SPOCK3: variants seen among roughly 807,000 people sequenced by gnomAD.
SPOCK3 encodes testican-3.
Under a neutral mutation model 56.6 loss-of-function variants are expected in SPOCK3, and 30 were observed. The observed-to-expected ratio is 0.53, with a 90% CI of 0.40 to 0.72. The LOEUF (loss-of-function observed/expected upper bound fraction) is 0.72. Among genes scored for constraint, SPOCK3 ranks in the 30% least tolerant of loss-of-function variants. SPOCK3 has a pLI of 0.00. For missense variants in SPOCK3, 527 were observed against 530.0 expected, an observed-to-expected ratio of 0.99 and a Z score of 0.06; for synonymous variants, 196 against 183.3, an observed-to-expected ratio of 1.07 and a Z score of -0.56.
Position 166,737,888 on chromosome 4 carries a change from G to C in SPOCK3, c.995-284C>G, listed in dbSNP as rs7675984. 6.4e-3 allele frequency among the ~76,000 whole-genome samples: 976 copies of C among 152,272 alleles called. 8 individuals carry two copies. The highest frequency in any genetic ancestry group is 0.022 in the African/African-American group (914 of 41,548). On this transcript the variant is annotated intron_variant, in intron 9 of 10. Transcript: ENST00000357545. ...ACTAGTTCTCACTGTGCAAAGGGTA[G>C]TGTTTCAGAGGCACAATACAGAATT...
chr4:166,743,075 G>A (rs1735074065), intron 8 of SPOCK3, among the ~76,000 whole-genome samples: 1 of 151,932 alleles, frequency 6.6e-6, no homozygotes, highest in Non-Finnish European at 1.5e-5. Flanking sequence ...ATCCCCCTCG[G>A]ATACTAAGAG....
chr4:167,171,918 C>T (rs1024059250), intron 2 of SPOCK3, among the ~76,000 whole-genome samples: 1 of 151,136 alleles, frequency 6.6e-6, no homozygotes, highest in Admixed American at 6.6e-5. Context: ...CCACTCCCCC[C>T]ATAATGAAAA....
chr4:167,132,489 A>G (rs556551696), intron 2 of SPOCK3, among the ~76,000 whole-genome samples: 350 of 152,240 alleles, frequency 2.3e-3, no homozygotes, highest in Non-Finnish European at 4.4e-3. Flanking sequence ...ATAACTATCA[A>G]AAGTTATTTA....
chr4:167,106,474 A>C (rs977720817), intron 2 of SPOCK3, among the ~76,000 whole-genome samples: 1 of 151,848 alleles, frequency 6.6e-6, no homozygotes, highest in African/African-American at 2.4e-5. Flanking sequence ...AATCTATGGG[A>C]TATAGCAAAG....
intron 6 of SPOCK3, among the ~76,000 whole-genome samples, chr4:166,794,461 G>A (rs528944371): frequency 5.3e-5 from 8 of 152,108 alleles, no homozygotes; most frequent in Admixed American, 3.3e-4. Flanking sequence ...ATGGAAGAAA[G>A]TGGTGTGAGA....
At chr4:167,044,711 C>T (rs1029637788) in intron 3 of SPOCK3, among the ~76,000 whole-genome samples, 14 of 152,038 alleles carry the variant, frequency 9.2e-5, no homozygotes, top group African/African-American at 3.1e-4. Context: ...TCAACACATA[C>T]TTTGGAATTT....
At chr4:167,209,383 G>A (rs1734649148) in intron 2 of SPOCK3, among the ~76,000 whole-genome samples, 1 of 152,040 alleles carries the variant, frequency 6.6e-6, no homozygotes, top group African/African-American at 2.4e-5. Context: ...GGAACAAAAT[G>A]CAAAAGGCCT....
chr4:167,003,021 T>C lies in SPOCK3; in HGVS notation c.236-2558A>G, dbSNP rs375695177. ...GTTTTCATTTTGAAATAAAACACTATAGTACATATAAAATTTTGATTAATC... is the reference window on the plus strand; with the variant it reads ...GTTTTCATTTTGAAATAAAACACTACAGTACATATAAAATTTTGATTAATC... On this transcript the variant is annotated intron_variant, in intron 3 of 10. Transcript: ENST00000357545. 1.8e-4 allele frequency among the ~76,000 whole-genome samples: 28 copies of C among 152,292 alleles called. No individual in the cohort carries two copies. In the South Asian group the frequency reaches 5.4e-3, roughly 29 times the overall value.
chr4:166,878,072 T>A (rs552489605), intron 6 of SPOCK3, among the ~76,000 whole-genome samples: 3 of 151,234 alleles, frequency 2.0e-5, no homozygotes, highest in African/African-American at 7.3e-5. Context: ...AGGTCAGGAG[T>A]CGAGACCAGC....
At chr4:166,956,248 C>T (rs923188877) in intron 4 of SPOCK3, among the ~76,000 whole-genome samples, 17 of 151,322 alleles carry the variant, frequency 1.1e-4, no homozygotes, top group Non-Finnish European at 2.2e-4. Context: ...CAATTCTTTT[C>T]CTATAGATCC....
chr4:167,206,224 T>C (rs1202402003), intron 2 of SPOCK3, among the ~76,000 whole-genome samples: 1 of 152,000 alleles, frequency 6.6e-6, no homozygotes, highest in African/African-American at 2.4e-5. Context: ...CCTGGGAGGC[T>C]GAGGTAGGAG....
In SPOCK3 at chr4:167,119,814, T is replaced by C. The variant is rs987072006; in HGVS notation, c.190-57277A>G. 5 of 1,534,486 alleles carry C rather than the reference T, an allele frequency of 3.3e-6. No individual in the cohort carries two copies. In the African/African-American group the frequency reaches 5.5e-5, roughly 17 times the overall value. ...ATTACCTGACTGAGCCCAGAAGACA[T>C]GTGGATGTGATCTTGTGTGATCATC... On this transcript the variant is annotated intron_variant, in intron 2 of 10. Coordinates refer to ENST00000357545, the MANE Select transcript of SPOCK3 (RefSeq NM_001040159.2).
intron 4 of SPOCK3, among the ~76,000 whole-genome samples, chr4:166,936,508 G>A (rs1255115423): frequency 6.6e-6 from 1 of 151,942 alleles, no homozygotes; most frequent in African/African-American, 2.4e-5. Context: ...ACAGCAAAGT[G>A]GTTGGTAATT....
At chr4:166,933,207 G>T (rs1739985231) in intron 4 of SPOCK3, among the ~76,000 whole-genome samples, 1 of 152,122 alleles carries the variant, frequency 6.6e-6, no homozygotes. Flanking sequence ...TTTTTCAAAT[G>T]ATAATCTAAT....
In SPOCK3 at chr4:166,774,392, G is replaced by A. The variant is rs572669315; in HGVS notation, c.709+17778C>T. Among the ~76,000 whole-genome samples, 41 of 152,152 alleles carry A rather than the reference G, an allele frequency of 2.7e-4. No homozygotes were observed. In the South Asian group the frequency reaches 5.0e-3, roughly 18 times the overall value. On this transcript the variant is annotated intron_variant, in intron 7 of 10. Coordinates refer to ENST00000357545, the MANE Select transcript of SPOCK3 (RefSeq NM_001040159.2). ...TAGATACCTTTTTGGGTCTTTCAGG[G>A]GTCTGTGGAGTAAACATACAAGCAT...
chr4:167,136,811 T>A (rs1490622242), intron 2 of SPOCK3, among the ~76,000 whole-genome samples: 2 of 152,076 alleles, frequency 1.3e-5, no homozygotes, highest in Non-Finnish European at 2.9e-5. Flanking sequence ...TTAAGAACAC[T>A]GGGGAGTTTC....
intron 4 of SPOCK3, among the ~76,000 whole-genome samples, chr4:166,945,959 A>AAC (rs1741685040): frequency 6.6e-6 from 1 of 152,182 alleles, no homozygotes; most frequent in African/African-American, 2.4e-5. Context: ...AAAGAGGAAG[A>AAC]ACCTCCTATT....
chr4:167,064,996 TA>T (rs1186352999), intron 2 of SPOCK3, among the ~76,000 whole-genome samples: 2 of 103,292 alleles, frequency 1.9e-5, no homozygotes, highest in African/African-American at 7.9e-5. Context: ...CAAACAGCCA[TA>T]AACTCCTCCT....
At chr4:166,856,619 C>A (rs1342931733) in intron 6 of SPOCK3, among the ~76,000 whole-genome samples, 1 of 151,926 alleles carries the variant, frequency 6.6e-6, no homozygotes, top group Non-Finnish European at 1.5e-5. Context: ...ACTAAAACTA[C>A]AAAAATTAGC....
Sources: allele counts gnomAD v4.1 joint callset (sites outside exome capture counted in the v4.1 genomes callset), GRCh38; gene constraint gnomAD v4.1.1; transcripts MANE v1.5; gene names NCBI Gene and HGNC (gene_info 2026-07-23, HGNC 2026-07-21).